CHST11: variants seen among roughly 807,000 people sequenced by gnomAD.
The protein encoded by CHST11 is carbohydrate sulfotransferase 11, also known as C4S-1.
CHST11 carries 9 observed loss-of-function variants against 30.4 expected under a neutral mutation model. That is an observed-to-expected ratio of 0.30 (90% CI 0.18 to 0.52). The LOEUF (loss-of-function observed/expected upper bound fraction) is 0.52, where lower values mean the gene tolerates loss of function less well. Ranked by LOEUF, CHST11 falls within the 20% of genes least tolerant of loss-of-function variation. The probability of loss-of-function intolerance (pLI) is 0.97; values close to 1 mark genes in which losing one functional copy is unlikely to be tolerated. For synonymous variants in CHST11, 152 were observed against 187.8 expected, an observed-to-expected ratio of 0.81 and a Z score of 1.56; for missense variants, 348 against 460.6, an observed-to-expected ratio of 0.76 and a Z score of 2.24.
chr12:104,504,922 C>T (rs1264583473), intron 1 of CHST11, among the ~76,000 whole-genome samples: 2 of 152,166 alleles, frequency 1.3e-5, no homozygotes, highest in Non-Finnish European at 2.9e-5. Flanking sequence ...AGGTGATCCT[C>T]ATAGGCAGCA....
chr12:104,514,811 GC>G (rs1194415028), intron 1 of CHST11, among the ~76,000 whole-genome samples: 13 of 152,258 alleles, frequency 8.5e-5, no homozygotes, highest in African/African-American at 3.1e-4. Context: ...GACACACTAG[GC>G]CCCATGTCCA....
At chr12:104,713,309 T>A (rs565302694) in intron 2 of CHST11, among the ~76,000 whole-genome samples, 2 of 152,164 alleles carry the variant, frequency 1.3e-5, no homozygotes, top group South Asian at 4.1e-4. Flanking sequence ...TGTCTCCCAC[T>A]CTTTAGCCAA....
At chr12:104,560,417 G>A (rs562981532) in intron 1 of CHST11, among the ~76,000 whole-genome samples, 1 of 152,106 alleles carries the variant, frequency 6.6e-6, no homozygotes, top group South Asian at 2.1e-4. Context: ...GCCATGGGGG[G>A]GTTCATGGTA....
At chr12:104,660,809 T>C (rs963218736) in intron 2 of CHST11, among the ~76,000 whole-genome samples, 1 of 152,152 alleles carries the variant, frequency 6.6e-6, no homozygotes, top group African/African-American at 2.4e-5. Flanking sequence ...TCTTGATCAA[T>C]CCCAAGATTT....
At position 104,729,848 on chromosome 12, in the gene CHST11, C is replaced by A. The variant is rs1049838176; in HGVS notation, c.205-27101C>A. 1.3e-5 allele frequency among the ~76,000 whole-genome samples: 2 copies of A among 152,116 alleles called. No homozygotes were observed. Among genetic ancestry groups the A allele is most frequent in the Non-Finnish European group, 1.5e-5 (1 of 68,026 alleles). ...GCACAGGCCATCTGGATGGGGGAGC[C>A]CCTGGTGAGCAAGGTCCACCAGGTG... is the stretch of plus-strand genomic sequence containing the variant. On this transcript the variant is annotated intron_variant, in intron 2 of 2. Transcript: ENST00000303694. The surrounding 1 kb of genome is among the most constrained non-coding windows in gnomAD (Gnocchi z 4.0).
At chr12:104,546,368 T>C (rs1247331800) in intron 1 of CHST11, among the ~76,000 whole-genome samples, 2 of 150,450 alleles carry the variant, frequency 1.3e-5, no homozygotes, top group African/African-American at 2.5e-5. Context: ...CATGGGAGGC[T>C]GAGGCAGGAG....
intron 2 of CHST11, among the ~76,000 whole-genome samples, chr12:104,719,908 T>C (rs1407587318): frequency 6.6e-6 from 1 of 152,192 alleles, no homozygotes; most frequent in East Asian, 1.9e-4. Flanking sequence ...TGGCTTTCCT[T>C]GTCTTGCACC....
chr12:104,593,107 C>G (rs2038876389), intron 1 of CHST11, among the ~76,000 whole-genome samples: 2 of 151,990 alleles, frequency 1.3e-5, no homozygotes, highest in African/African-American at 4.8e-5. Flanking sequence ...CTTAGATTTA[C>G]TCCCTTGACC....
intron 2 of CHST11, among the ~76,000 whole-genome samples, chr12:104,755,898 T>C (rs1298293836): frequency 3.0e-5 from 3 of 99,590 alleles, no homozygotes; most frequent in African/African-American, 9.7e-5. Context: ...GAGTGAATCA[T>C]TGGTTTCTCG....
At chr12:104,507,626 G>C (rs2037919176) in intron 1 of CHST11, among the ~76,000 whole-genome samples, 1 of 152,172 alleles carries the variant, frequency 6.6e-6, no homozygotes, top group Non-Finnish European at 1.5e-5. Flanking sequence ...ACACATCTGG[G>C]CTGGCCAGAG....
chr12:104,674,872 C>T (rs919340959), intron 2 of CHST11, among the ~76,000 whole-genome samples: 1 of 152,100 alleles, frequency 6.6e-6, no homozygotes, highest in Non-Finnish European at 1.5e-5. Context: ...GGGCAAGTCA[C>T]GTAACCTCTC....
intron 1 of CHST11, among the ~76,000 whole-genome samples, chr12:104,487,787 T>TA (rs2037696983): frequency 6.6e-6 from 1 of 152,198 alleles, no homozygotes; most frequent in Non-Finnish European, 1.5e-5. Context: ...GCGTATCATT[T>TA]AATTATTTGT....
At chr12:104,613,625 T>G (rs1202965317) in intron 2 of CHST11, among the ~76,000 whole-genome samples, 1 of 152,200 alleles carries the variant, frequency 6.6e-6, no homozygotes, top group Admixed American at 6.5e-5. Flanking sequence ...CTGCTTCCCC[T>G]TCGCCTTCTA....
At chr12:104,520,429 G>A (rs1474580655) in intron 1 of CHST11, among the ~76,000 whole-genome samples, 2 of 152,100 alleles carry the variant, frequency 1.3e-5, no homozygotes, top group African/African-American at 4.8e-5. Flanking sequence ...GGGCGGGTTA[G>A]TACATGGGTG....
At chr12:104,545,852 A>G (rs1372842244) in intron 1 of CHST11, among the ~76,000 whole-genome samples, 2 of 151,842 alleles carry the variant, frequency 1.3e-5, no homozygotes, top group East Asian at 3.9e-4. Flanking sequence ...TAAAAGCAGC[A>G]TCTCACTTTG....
Position 104,509,137 on chromosome 12 carries a change from G to T in CHST11, c.118+51608G>T, listed in dbSNP as rs976541648. Among the ~76,000 whole-genome samples the T allele has an allele frequency of 2.6e-5, 4 of 152,180 alleles. No individual in the cohort carries two copies. In the East Asian group the frequency reaches 7.7e-4, roughly 29 times the overall value. On this transcript the variant is annotated intron_variant, in intron 1 of 2. Transcript: ENST00000303694. ...CCTGTGGGAGGTCATTGAACCATGG[G>T]GGCAGGTCTTTCCTGTGCTGTTCTT...
intron 1 of CHST11, among the ~76,000 whole-genome samples, chr12:104,561,046 C>T (rs936273889): frequency 1.3e-5 from 2 of 152,174 alleles, no homozygotes; most frequent in Non-Finnish European, 2.9e-5. Context: ...ACTTAACTTC[C>T]TTATGGTACT....
intron 2 of CHST11, among the ~76,000 whole-genome samples, chr12:104,664,414 T>A (rs911516807): frequency 5.3e-5 from 8 of 152,212 alleles, no homozygotes; most frequent in Non-Finnish European, 8.8e-5. Context: ...AGACACATTT[T>A]CTCTTGGTGT....
intron 2 of CHST11, among the ~76,000 whole-genome samples, chr12:104,687,215 T>G (rs1210955401): frequency 1.3e-5 from 2 of 152,248 alleles, no homozygotes; most frequent in African/African-American, 4.8e-5. Flanking sequence ...CTTCTGGAAC[T>G]ATTTTGTTTT....
Sources: allele counts gnomAD v4.1 joint callset (sites outside exome capture counted in the v4.1 genomes callset), GRCh38; gene constraint gnomAD v4.1.1; non-coding constraint Gnocchi (gnomAD v3.1); transcripts MANE v1.5; gene names NCBI Gene and HGNC (gene_info 2026-07-23, HGNC 2026-07-21).